The following TCEA3 variants were observed in gnomAD, a reference collection of about 807,000 sequenced individuals.
TCEA3 encodes the protein transcription elongation factor A3, also known as transcription elongation factor A protein 3.
Under a neutral mutation model 44.0 loss-of-function variants are expected in TCEA3, and 36 were observed. The observed-to-expected ratio is 0.82, with a 90% confidence interval of 0.63 to 1.08. The LOEUF (loss-of-function observed/expected upper bound fraction) is 1.08. TCEA3 is among the 50% of genes least tolerant of loss of function. The pLI is 0.00. For missense variants in TCEA3, 392 were observed against 441.2 expected (o/e 0.89, Z 1.00); for synonymous variants, 162 against 159.7 (o/e 1.01, Z -0.11).
At chr1:23,389,477 G>A (rs184223202) in intron 8 of TCEA3, among the ~76,000 whole-genome samples, 23 of 112,702 alleles carry the variant, frequency 2.0e-4, no homozygotes, top group Non-Finnish European at 3.9e-4. Flanking sequence ...CAACAACAGC[G>A]AGATTCCATC....
At chr1:23,397,005 CAAAA>C (rs34931042) in intron 7 of TCEA3, among the ~76,000 whole-genome samples, 7,066 of 68,320 alleles carry the variant, frequency 0.1, 589 homozygotes, top group African/African-American at 0.27. Context: ...AACTCCGTCT[CAAAA>C]AAAAAAAAAA....
intron 10 of TCEA3, chr1:23,383,821 T>C: frequency 8.1e-6 from 8 of 986,484 alleles, no homozygotes; most frequent in Non-Finnish European, 9.6e-6. Flanking sequence ...CTTCTGCCTT[T>C]GCAGGAGCTG....
intron 1 of TCEA3, among the ~76,000 whole-genome samples, chr1:23,419,850 A>G (rs1229604680): frequency 6.6e-6 from 1 of 152,188 alleles, no homozygotes; most frequent in Non-Finnish European, 1.5e-5. Flanking sequence ...AAAACAAAAC[A>G]AACAAAAAAC....
chr1:23,397,768 C>T (rs1179058446), intron 6 of TCEA3, 24 bp downstream of exon 6: 1 of 1,613,842 alleles, frequency 6.2e-7, no homozygotes, highest in East Asian at 2.2e-5. Flanking sequence ...TTCCCTCCCT[C>T]ATCCCTAGCC....
intron 4 of TCEA3, among the ~76,000 whole-genome samples, chr1:23,414,014 T>G (rs1639815016): frequency 7.2e-6 from 1 of 138,238 alleles, no homozygotes; most frequent in Non-Finnish European, 1.6e-5. Flanking sequence ...ATATATAAAT[T>G]TTATATGTAT....
chr1:23,386,819 C>G (rs567375933), intron 9 of TCEA3, among the ~76,000 whole-genome samples: 1 of 152,296 alleles, frequency 6.6e-6, no homozygotes, highest in Admixed American at 6.5e-5. Flanking sequence ...CTCCCGGGTT[C>G]ACGCCATTCT....
chr1:23,405,074 G>A (rs571943154), intron 5 of TCEA3, among the ~76,000 whole-genome samples: 1 of 152,308 alleles, frequency 6.6e-6, no homozygotes, highest in African/African-American at 2.4e-5. Flanking sequence ...ATCAGCTGCA[G>A]TGGGGTAGTG....
chr1:23,405,848 T>C (rs1342058740), intron 5 of TCEA3, among the ~76,000 whole-genome samples: 1 of 152,228 alleles, frequency 6.6e-6, no homozygotes, highest in Non-Finnish European at 1.5e-5. Context: ...AAACCTAGAA[T>C]GTCATTAGTG....
chr1:23,412,674 C>T (rs1438556448), intron 4 of TCEA3, among the ~76,000 whole-genome samples: 1 of 151,698 alleles, frequency 6.6e-6, no homozygotes, highest in Non-Finnish European at 1.5e-5. Context: ...TGCCATTGCA[C>T]TCCAGCCTGG....
chr1:23,412,206 G>C (rs975861461), intron 4 of TCEA3: 1 of 152,058 alleles, frequency 6.6e-6, no homozygotes, highest in Non-Finnish European at 1.5e-5. Flanking sequence ...TCCAAATCAC[G>C]TATAATCTTT....
At chr1:23,392,361 T>TACAC (rs1385784795) in intron 8 of TCEA3, among the ~76,000 whole-genome samples, 6 of 137,524 alleles carry the variant, frequency 4.4e-5, no homozygotes, top group Admixed American at 1.5e-4. Context: ...CCACACATCA[T>TACAC]ACACACACAC....
intron 7 of TCEA3, among the ~76,000 whole-genome samples, chr1:23,394,692 C>G (rs1639165891): frequency 6.6e-6 from 1 of 152,270 alleles, no homozygotes; most frequent in Non-Finnish European, 1.5e-5. Flanking sequence ...GGAACCCACG[C>G]TGGGAATTGC....
chr1:23,385,500 G>A (rs974278059), intron 9 of TCEA3, among the ~76,000 whole-genome samples: 12 of 152,330 alleles, frequency 7.9e-5, no homozygotes, highest in Admixed American at 2.0e-4. Context: ...AAACATCTCC[G>A]GATTCCAGAA....
intron 1 of TCEA3, chr1:23,423,813 G>T (rs1640133648): frequency 6.6e-6 from 3 of 455,910 alleles, no homozygotes; most frequent in African/African-American, 2.0e-5. Context: ...CTGGGTCTGC[G>T]CTCTGGCCAG....
rs573465609 is a variant in TCEA3, at chr1:23,396,719, G to A, written c.664+826C>T. Among the ~76,000 whole-genome samples the A allele has an allele frequency of 1.5e-3, 229 of 152,034 alleles. 1 individual carries two copies. The highest frequency in any genetic ancestry group is 2.2e-3 in the Non-Finnish European group (152 of 67,924). ...TTGGGAGTAAAAAAACAGAGGGCAG[G>A]GCGCTGGGTGTGATGGCTCACACCT... is the stretch of plus-strand genomic sequence containing the variant. On this transcript the variant is annotated intron_variant, in intron 7 of 10. Transcript: ENST00000450454.
In TCEA3 at chr1:23,417,323, C is replaced by A; in HGVS notation, c.306G>T (p.Gly102=). ...CTGGCTTCCAGTCTGAACACTCAAGCCCTTTTTCCTTCTTCTTTGCCTTTT... is the reference window on the plus strand; with the variant it reads ...CTGGCTTCCAGTCTGAACACTCAAGACCTTTTTCCTTCTTCTTTGCCTTTT... ...EREKAKKKEK[G]LECSDWKPEA... Residue 102 remains glycine (G), a synonymous_variant, in exon 4 of 11, where the codon GGG becomes GGT. Coordinates refer to ENST00000450454, the MANE Select transcript of TCEA3 (RefSeq NM_003196.3). 1 of 1,614,010 alleles carries A rather than the reference C, an allele frequency of 6.2e-7. No homozygotes were observed. Among genetic ancestry groups the A allele is most frequent in the Non-Finnish European group, 8.5e-7 (1 of 1,179,888 alleles).
chr1:23,419,284 C>T (rs1272004995), intron 1 of TCEA3, 145 bp from the exon 2 acceptor site: 6 of 558,960 alleles, frequency 1.1e-5, no homozygotes, highest in Middle Eastern at 2.7e-4. Context: ...AGGAGAGAGA[C>T]GAGAAACAAT....
chr1:23,383,460 C>T (rs1638731497), intron 10 of TCEA3: 1 of 921,818 alleles, frequency 1.1e-6, no homozygotes, highest in South Asian at 5.0e-5. Context: ...TTTATGCATA[C>T]ATGATAACCC....
intron 2 of TCEA3, 110 bp downstream of exon 2, chr1:23,418,967 C>G: frequency 4.2e-5 from 29 of 689,734 alleles, no homozygotes; most frequent in East Asian, 5.7e-5. Flanking sequence ...TCCCCACAGG[C>G]CCCCCTCAGA....
Sources: allele counts gnomAD v4.1 joint callset (sites outside exome capture counted in the v4.1 genomes callset), GRCh38; gene constraint gnomAD v4.1.1; transcripts MANE v1.5; gene names NCBI Gene and HGNC (gene_info 2026-07-23, HGNC 2026-07-21).